ROBO2: variants seen among roughly 807,000 people sequenced by gnomAD.
The protein encoded by ROBO2 is roundabout guidance receptor 2, also known as roundabout homolog 2.
Under a neutral mutation model 160.8 loss-of-function variants are expected in ROBO2, and 53 were observed. The observed-to-expected ratio is 0.33, with a 90% CI of 0.26 to 0.41. ROBO2 has a LOEUF of 0.41. ROBO2 is among the 10% of genes least tolerant of loss of function. ROBO2 has a pLI of 1.00. For missense variants in ROBO2, 1,577 were observed against 1,722.4 expected, an observed-to-expected ratio of 0.92 and a Z score of 1.49; for synonymous variants, 664 against 611.7, an observed-to-expected ratio of 1.09 and a Z score of -1.26.
intron 2 of ROBO2, among the ~76,000 whole-genome samples, chr3:76,367,264 T>G (rs1252948324): frequency 6.6e-6 from 1 of 152,042 alleles, no homozygotes; most frequent in East Asian, 1.9e-4. Context: ...ATTTACCCAT[T>G]TGTCCCCCTC....
chr3:77,540,566 C>G (rs1582819220), intron 6 of ROBO2, among the ~76,000 whole-genome samples: 3 of 145,038 alleles, frequency 2.1e-5, no homozygotes, highest in Admixed American at 1.4e-4. Context: ...TGGGGCCAGT[C>G]GGGGGCAGTG....
intron 2 of ROBO2, among the ~76,000 whole-genome samples, chr3:77,366,762 T>C (rs1410740253): frequency 6.9e-6 from 1 of 144,402 alleles, no homozygotes; most frequent in Admixed American, 7.0e-5. Flanking sequence ...AGAGAGGAAG[T>C]GAGAGTGAGA....
intron 2 of ROBO2, among the ~76,000 whole-genome samples, chr3:76,175,701 G>A (rs1471083320): frequency 6.6e-6 from 1 of 152,018 alleles, no homozygotes; most frequent in Non-Finnish European, 1.5e-5. Context: ...TATACCTTGA[G>A]TCAATAAAAG....
At chr3:77,550,788 A>G (rs989576731) in intron 7 of ROBO2, 30 bp from the exon 9 acceptor site, 2 of 1,611,470 alleles carry the variant, frequency 1.2e-6, no homozygotes, top group East Asian at 2.2e-5. Context: ...TGGAAAATGA[A>G]TATTGATGAG....
chr3:77,457,832 A>G (rs1278856913), intron 2 of ROBO2, among the ~76,000 whole-genome samples: 1 of 151,978 alleles, frequency 6.6e-6, no homozygotes, highest in African/African-American at 2.4e-5. Flanking sequence ...TATTAATTTA[A>G]TATTTGTTAA....
chr3:76,798,317 A>AAAG lies in ROBO2; in HGVS notation c.110-299696_110-299695insAGA, dbSNP rs1560581258. 2.0e-5 allele frequency among the ~76,000 whole-genome samples: 3 copies of AAAG among 151,276 alleles called. No homozygotes were observed. In the East Asian group the frequency reaches 5.8e-4, roughly 29 times the overall value. The stretch of plus-strand genomic sequence containing the variant: ...GAAAGAAAGAAAGAAAGAAAGAAAA[A>AAAG]AGAACGAATGAACTAAAGGCCAATA... On this transcript the variant is annotated intron_variant, in intron 2 of 26. Transcript: ENST00000487694.
chr3:75,991,513 C>G (rs2065569132), intron 2 of ROBO2, among the ~76,000 whole-genome samples: 2 of 152,170 alleles, frequency 1.3e-5, no homozygotes, highest in Admixed American at 6.5e-5. Flanking sequence ...TGCCTTCCAC[C>G]ATGACTGTGA....
At chr3:77,515,550 T>C (rs910529943) in intron 5 of ROBO2, among the ~76,000 whole-genome samples, 2 of 151,786 alleles carry the variant, frequency 1.3e-5, no homozygotes, top group Admixed American at 6.6e-5. Flanking sequence ...TGAATTCTAG[T>C]AACAACAGCC....
intron 2 of ROBO2, among the ~76,000 whole-genome samples, chr3:76,651,370 C>CA (rs1358215803): frequency 2.0e-5 from 3 of 152,162 alleles, no homozygotes; most frequent in African/African-American, 7.2e-5. Context: ...AGGCCAGGCT[C>CA]ATGCCCTCCT....
intron 2 of ROBO2, among the ~76,000 whole-genome samples, chr3:77,178,537 T>C (rs2080380947): frequency 6.6e-6 from 1 of 151,918 alleles, no homozygotes; most frequent in South Asian, 2.1e-4. Flanking sequence ...AAAATACCCA[T>C]CCTTACTAAA....
chr3:76,809,776 T>A (rs2065019591), intron 2 of ROBO2, among the ~76,000 whole-genome samples: 1 of 152,126 alleles, frequency 6.6e-6, no homozygotes, highest in Non-Finnish European at 1.5e-5. Flanking sequence ...AATTACCTTA[T>A]ATCATTTTTT....
chr3:77,301,291 C>T (rs1041719529), intron 2 of ROBO2, among the ~76,000 whole-genome samples: 1 of 151,980 alleles, frequency 6.6e-6, no homozygotes, highest in African/African-American at 2.4e-5. Flanking sequence ...AATATTATTA[C>T]TAATATTATT....
chr3:76,401,924 A>T (rs201196358), intron 2 of ROBO2, among the ~76,000 whole-genome samples: 2 of 151,542 alleles, frequency 1.3e-5, no homozygotes, highest in African/African-American at 4.8e-5. Flanking sequence ...ATTTTTAGAA[A>T]TGTTTATATA....
At chr3:77,271,506 G>A (rs1321445103) in intron 2 of ROBO2, among the ~76,000 whole-genome samples, 1 of 152,176 alleles carries the variant, frequency 6.6e-6, no homozygotes, top group African/African-American at 2.4e-5. Flanking sequence ...GAAGGATTAA[G>A]GAAACATCAG....
intron 19 of ROBO2, among the ~76,000 whole-genome samples, chr3:77,600,403 C>G (rs2094406863): frequency 6.6e-6 from 1 of 152,176 alleles, no homozygotes; most frequent in Admixed American, 6.6e-5. Flanking sequence ...ATAATTTTAT[C>G]TAGCAGGGAG....
chr3:76,839,753 C>T (rs2068051037), intron 2 of ROBO2, among the ~76,000 whole-genome samples: 1 of 152,166 alleles, frequency 6.6e-6, no homozygotes, highest in South Asian at 2.1e-4. Flanking sequence ...ATTAGCTCTT[C>T]TTTAAACATT....
chr3:77,298,108 GC>G (rs2062318274), intron 2 of ROBO2, among the ~76,000 whole-genome samples: 1 of 152,106 alleles, frequency 6.6e-6, no homozygotes, highest in South Asian at 2.1e-4. Flanking sequence ...TGAAAATGAA[GC>G]TTTTTTGGGT....
At chr3:77,031,445 T>G (rs534451578) in intron 2 of ROBO2, among the ~76,000 whole-genome samples, 1 of 147,544 alleles carries the variant, frequency 6.8e-6, no homozygotes, top group Non-Finnish European at 1.5e-5. Context: ...GTTTATTACA[T>G]AATATATAGT....
At position 76,966,514 on chromosome 3, in the gene ROBO2, G is replaced by A. The variant is rs79832283; in HGVS notation, c.110-131500G>A. On this transcript the variant is annotated intron_variant, in intron 2 of 26. Coordinates refer to the ROBO2 transcript ENST00000487694. Reference sequence around the variant, plus strand: ...ATGGCTCTCCCTCTGTGTAACATTGGAGTCTTAATCATCGGAGTAAAGATG... The same window carrying A: ...ATGGCTCTCCCTCTGTGTAACATTGAAGTCTTAATCATCGGAGTAAAGATG... 4.3e-3 allele frequency among the ~76,000 whole-genome samples: 650 copies of A among 152,260 alleles called. 3 individuals carry two copies. The highest frequency in any genetic ancestry group is 0.012 in the African/African-American group (517 of 41,538).
Sources: gnomAD v4.1 joint callset for allele counts (sites outside exome capture counted in the v4.1 genomes callset) on GRCh38, gnomAD v4.1.1 for gene constraint, MANE v1.5 for transcripts, NCBI Gene and HGNC (gene_info 2026-07-23, HGNC 2026-07-21) for gene names.